The following CCDC191 variants were observed in gnomAD, a reference collection of about 807,000 sequenced individuals.
CCDC191 encodes the protein coiled-coil domain containing 191, also known as coiled-coil domain-containing protein 191.
A neutral mutation model predicts 114.0 loss-of-function variants in CCDC191; 99 were observed. That is an observed-to-expected ratio of 0.87 (90% CI 0.74 to 1.03). The LOEUF (loss-of-function observed/expected upper bound fraction) is 1.03. Among genes scored for constraint, CCDC191 ranks in the 50% least tolerant of loss-of-function variants. The pLI is 0.00. For synonymous variants in CCDC191, 351 were observed against 376.0 expected, an observed-to-expected ratio of 0.93 and a Z score of 0.77; for missense variants, 973 against 1,087.0, an observed-to-expected ratio of 0.90 and a Z score of 1.47.
chr3:113,989,260 C>T lies in CCDC191; in HGVS notation c.2164-8467G>A, dbSNP rs149687278. 5.1e-3 allele frequency among the ~76,000 whole-genome samples: 771 copies of T among 152,250 alleles called. 8 individuals are homozygous for T. Among genetic ancestry groups the T allele is most frequent in the African/African-American group, 0.017 (698 of 41,546 alleles). Reference sequence around the variant, plus strand: ...AGCAGGCACAAAATCAGTAAGAATACAGATATAGATACCGTAAGACACAGT... The same window carrying T: ...AGCAGGCACAAAATCAGTAAGAATATAGATATAGATACCGTAAGACACAGT... On this transcript the variant is annotated intron_variant, in intron 13 of 16. Coordinates refer to ENST00000295878, the MANE Select transcript of CCDC191 (RefSeq NM_020817.2).
chr3:114,040,265 T>C (rs1490898272), intron 4 of CCDC191, among the ~76,000 whole-genome samples: 1 of 152,236 alleles, frequency 6.6e-6, no homozygotes, highest in Non-Finnish European at 1.5e-5. Flanking sequence ...TTTGTGTAAG[T>C]ACACTCTATA....
chr3:114,010,344 T>C (rs1345932493), intron 9 of CCDC191, among the ~76,000 whole-genome samples: 6 of 152,200 alleles, frequency 3.9e-5, no homozygotes, highest in Non-Finnish European at 5.9e-5. Flanking sequence ...TTTTTCTCTG[T>C]GATCTTCTAT....
chr3:113,998,429 T>C (rs1365985488), intron 13 of CCDC191, among the ~76,000 whole-genome samples: 3 of 152,156 alleles, frequency 2.0e-5, no homozygotes, highest in Non-Finnish European at 4.4e-5. Flanking sequence ...TTATTGCCCT[T>C]GAAGACCTTT....
At chr3:114,032,493 G>C (rs1470983146) in intron 6 of CCDC191, among the ~76,000 whole-genome samples, 1 of 152,102 alleles carries the variant, frequency 6.6e-6, no homozygotes, top group Non-Finnish European at 1.5e-5. Context: ...ATATGTATGT[G>C]TATAAAGTAT....
chr3:113,970,814 G>A (rs936199545), intron 16 of CCDC191, among the ~76,000 whole-genome samples: 3 of 151,882 alleles, frequency 2.0e-5, no homozygotes, highest in Non-Finnish European at 2.9e-5. Context: ...GAGAACATGC[G>A]GTGTTTGGGT....
chr3:114,010,843 T>C lies in CCDC191; in HGVS notation c.1342A>G (p.Asn448Asp), dbSNP rs758383419. 6 of 1,614,020 alleles carry C rather than the reference T, an allele frequency of 3.7e-6. No homozygotes were observed. In the South Asian group the frequency reaches 6.6e-5, roughly 18 times the overall value. ...QAASLGKLSA[N>D]GLSGISLPEE... Reference sequence around the variant, plus strand: ...GGTAGACTGATGCCTGATAACCCATTGGCACTGAGTTTCCCCAGTGATGCT... The same window carrying C: ...GGTAGACTGATGCCTGATAACCCATCGGCACTGAGTTTCCCCAGTGATGCT... Residue 448 changes from asparagine to aspartate, a missense_variant, in exon 9 of 17, where the codon AAT (asparagine) becomes GAT (aspartate). Asn to Asp is a conservative substitution (Grantham distance 23, BLOSUM62 1). Transcript: ENST00000295878.
intron 2 of CCDC191, among the ~76,000 whole-genome samples, chr3:114,053,183 G>C (rs1253521157): frequency 6.6e-6 from 1 of 152,156 alleles, no homozygotes; most frequent in African/African-American, 2.4e-5. Flanking sequence ...TCCACTTTTG[G>C]ATGGACTAGT....
chr3:113,998,885 A>C lies in CCDC191; in HGVS notation c.2163+2710T>G, dbSNP rs116331384. 5.6e-3 allele frequency among the ~76,000 whole-genome samples: 860 copies of C among 152,312 alleles called. 3 individuals are homozygous for C. The highest frequency in any genetic ancestry group is 0.019 in the African/African-American group (804 of 41,566). ...ATTCCACACACCGTTGCTTCTGACC[A>C]AAGAACTCACTTCACAGCAAAGAAG... On this transcript the variant is annotated intron_variant, in intron 13 of 16. Coordinates refer to ENST00000295878, the MANE Select transcript of CCDC191 (RefSeq NM_020817.2).
At chr3:114,048,115 G>A (rs963373062) in intron 2 of CCDC191, among the ~76,000 whole-genome samples, 2 of 151,940 alleles carry the variant, frequency 1.3e-5, no homozygotes, top group African/African-American at 2.4e-5. Context: ...AAACTTTGGC[G>A]TCCTTAATCC....
At position 113,965,359 on chromosome 3, in the gene CCDC191, C is replaced by A. The variant is rs140176565; in HGVS notation, c.2607G>T (p.Arg869Ser). ...KHEIAAEHSD[R>S]RILWITLRTW... ...TCCGAAGGGTGATCCAGAGGATCCT[C>A]CTTTAAGAATAAAGAAGGAAAAAAG... Residue 869 changes from arginine to serine, a missense_variant and splice_region_variant, in exon 17 of 17, where the codon AGG becomes AGT. Transcript: ENST00000295878. 2.3e-5 allele frequency: 35 copies of A among 1,544,022 alleles called. No homozygotes were observed. The African/African-American group carries it at 4.5e-4, about 20-fold the overall frequency.
chr3:114,036,894 G>A (rs554611599), intron 4 of CCDC191, 108 bp from the exon 5 acceptor site: 15 of 676,108 alleles, frequency 2.2e-5, no homozygotes, highest in African/African-American at 1.5e-4. Context: ...ACAAAGCTGC[G>A]AGTGTTCAAT....
intron 11 of CCDC191, chr3:114,003,986 T>C: frequency 1.0e-6 from 1 of 985,458 alleles, no homozygotes; most frequent in Admixed American, 6.1e-5. Flanking sequence ...TAAGGGTTTC[T>C]GGCCAGGTGC....
Position 113,964,990 on chromosome 3 carries a change from G to A in CCDC191, c.*165C>T. 2 of 438,452 alleles carry A rather than the reference G, an allele frequency of 4.6e-6. No homozygotes were observed. Among genetic ancestry groups the A allele is most frequent in the Admixed American group, 8.3e-5 (2 of 24,158 alleles). 27.2% of individuals were successfully genotyped at this position (438,452 alleles called of 1,614,324 possible). The stretch of plus-strand genomic sequence containing the variant: ...CTATAGTGAATGACTAGCAATCCAG[G>A]AAAAGTCAAAGAAGGGAATAAAAAT... On this transcript the variant is annotated 3_prime_UTR_variant, in exon 17 of 17. Coordinates refer to ENST00000295878, the MANE Select transcript of CCDC191 (RefSeq NM_020817.2).
chr3:114,051,200 T>C (rs2076694418), intron 2 of CCDC191, among the ~76,000 whole-genome samples: 1 of 152,152 alleles, frequency 6.6e-6, no homozygotes. Context: ...CTCTGATCCA[T>C]CTCCCTGTTT....
At position 114,034,947 on chromosome 3, in the gene CCDC191, T is replaced by C. The variant is rs888536657; in HGVS notation, c.796A>G (p.Thr266Ala). 73 of 1,613,910 alleles carry C rather than the reference T, an allele frequency of 4.5e-5. No individual in the cohort carries two copies. The highest frequency in any genetic ancestry group is 5.4e-5 in the Non-Finnish European group (64 of 1,179,992). Residue 266 changes from threonine to alanine, a missense_variant, in exon 6 of 17, where the codon ACT becomes GCT. Physicochemically the swap from Thr to Ala is moderately conservative, Grantham distance 58. Coordinates refer to ENST00000295878, the MANE Select transcript of CCDC191 (RefSeq NM_020817.2). ...LRREIIERRRTVKAAWKIEKK... is the reference protein window; with the variant it reads ...LRREIIERRRAVKAAWKIEKK... ...TACATTTTCCATGCTGCTTTCACAG[T>C]GCGTCTCCTCTCAATTATCTCCCTC... is the stretch of plus-strand genomic sequence containing the variant.
chr3:114,006,148 C>T (rs1042321745), intron 9 of CCDC191, 186 bp from the exon 10 acceptor site: 5 of 678,056 alleles, frequency 7.4e-6, no homozygotes, highest in African/African-American at 5.3e-5. Context: ...TTGCTGCTCA[C>T]CATGAAAACT....
At chr3:114,004,357 C>A (rs1304414221) in intron 11 of CCDC191, 3 of 1,010,366 alleles carry the variant, frequency 3.0e-6, no homozygotes, top group Non-Finnish European at 3.5e-6. Flanking sequence ...TTTCACAATC[C>A]AAATCTCAAA....
intron 7 of CCDC191, among the ~76,000 whole-genome samples, chr3:114,027,262 T>G (rs2076333294): frequency 1.3e-5 from 2 of 152,178 alleles, no homozygotes; most frequent in South Asian, 4.1e-4. Context: ...TCTCTCAGTC[T>G]CCTATTAAAT....
At chr3:113,991,323 A>C (rs1429215716) in intron 13 of CCDC191, among the ~76,000 whole-genome samples, 1 of 150,046 alleles carries the variant, frequency 6.7e-6, no homozygotes, top group African/African-American at 2.4e-5. Context: ...AATATATAAA[A>C]ATAACACACC....
Sources: gnomAD v4.1 joint callset for allele counts (sites outside exome capture counted in the v4.1 genomes callset) on GRCh38, gnomAD v4.1.1 for gene constraint, MANE v1.5 for transcripts, NCBI Gene and HGNC (gene_info 2026-07-23, HGNC 2026-07-21) for gene names.